The following COL14A1 variants were observed in gnomAD, a reference collection of about 807,000 sequenced individuals.
The protein encoded by COL14A1 is collagen type XIV alpha 1 chain, also known as collagen alpha-1(XIV) chain.
In COL14A1, 136 loss-of-function variants were observed where a neutral mutation model predicts 230.3. That is an observed-to-expected ratio of 0.59 (90% CI 0.51 to 0.68). The LOEUF (loss-of-function observed/expected upper bound fraction) is 0.68. COL14A1 is among the 30% of genes least tolerant of loss of function. COL14A1 has a pLI of 0.00. For synonymous variants in COL14A1, 792 were observed against 784.1 expected (o/e 1.01, Z -0.17); for missense variants, 1,976 against 2,215.8 (o/e 0.89, Z 2.17).
At chr8:120,250,232 G>A (rs956894602) in intron 21 of COL14A1, among the ~76,000 whole-genome samples, 22 of 152,158 alleles carry the variant, frequency 1.4e-4, no homozygotes, top group East Asian at 3.9e-4. Flanking sequence ...TATGACTGCC[G>A]CTTGTGTGCC....
chr8:120,369,778 C>T (rs1823526627), intron 47 of COL14A1, among the ~76,000 whole-genome samples: 1 of 152,146 alleles, frequency 6.6e-6, no homozygotes, highest in Non-Finnish European at 1.5e-5. Flanking sequence ...TTGTATTTAG[C>T]ACATTTGGAG....
chr8:120,154,036 C>T (rs1815380183), intron 2 of COL14A1, among the ~76,000 whole-genome samples: 2 of 152,092 alleles, frequency 1.3e-5, no homozygotes, highest in Admixed American at 6.6e-5. Flanking sequence ...AACCAGGATG[C>T]TGTCATATAA....
intron 20 of COL14A1, among the ~76,000 whole-genome samples, chr8:120,244,306 T>A (rs1325249448): frequency 6.6e-6 from 1 of 152,226 alleles, no homozygotes; most frequent in Non-Finnish European, 1.5e-5. Flanking sequence ...AAATGTATTC[T>A]GCATGCCTGA....
At chr8:120,354,565 A>G (rs1204593590) in intron 45 of COL14A1, among the ~76,000 whole-genome samples, 2 of 152,118 alleles carry the variant, frequency 1.3e-5, no homozygotes, top group African/African-American at 4.8e-5. Flanking sequence ...TTTTCTTATT[A>G]TCTAAAAGAA....
intron 40 of COL14A1, among the ~76,000 whole-genome samples, chr8:120,331,649 G>T (rs1329234599): frequency 1.3e-5 from 2 of 152,184 alleles, no homozygotes; most frequent in Non-Finnish European, 2.9e-5. Flanking sequence ...AGTAGTCAAA[G>T]CTCAATCATT....
At chr8:120,340,477 A>G (rs761770399) in intron 42 of COL14A1, among the ~76,000 whole-genome samples, 2 of 152,200 alleles carry the variant, frequency 1.3e-5, no homozygotes, top group East Asian at 3.9e-4. Context: ...TAACAACTGG[A>G]AACAGTCTGA....
chr8:120,144,253 A>T (rs1031306648), intron 1 of COL14A1, among the ~76,000 whole-genome samples: 38 of 152,206 alleles, frequency 2.5e-4, no homozygotes, highest in Admixed American at 2.4e-3. Flanking sequence ...ACGGAATCTT[A>T]TTTAAAGAAT....
In COL14A1 at chr8:120,280,605, T is replaced by C; in HGVS notation, c.3647-106T>C. The C allele has an allele frequency of 9.3e-6, 10 of 1,075,758 alleles. No individual in the cohort carries two copies. In the South Asian group the frequency reaches 1.2e-4, roughly 13 times the overall value. The allele number at this position is 1,075,758 out of a possible 1,614,324, so 66.6% of individuals were successfully genotyped here. On this transcript the variant is annotated intron_variant, in intron 29 of 47. Coordinates refer to ENST00000297848, the MANE Select transcript of COL14A1 (RefSeq NM_021110.4). ...CATTTGATTTGTATTCTCTCCACAATCAACTTCTGGAAAGATTGTATTAGT... is the reference window on the plus strand; with the variant it reads ...CATTTGATTTGTATTCTCTCCACAACCAACTTCTGGAAAGATTGTATTAGT...
intron 40 of COL14A1, among the ~76,000 whole-genome samples, chr8:120,325,270 G>T (rs780780638): frequency 6.6e-6 from 1 of 151,808 alleles, no homozygotes; most frequent in Admixed American, 6.6e-5. Flanking sequence ...GTGGACTATG[G>T]GTGCATATTA....
At chr8:120,357,245 G>A (rs1283970752) in intron 45 of COL14A1, among the ~76,000 whole-genome samples, 1 of 152,162 alleles carries the variant, frequency 6.6e-6, no homozygotes, top group Non-Finnish European at 1.5e-5. Flanking sequence ...GGCTCGACTG[G>A]AGCTGGTGCA....
In COL14A1 at chr8:120,247,695, C is replaced by T; in HGVS notation, c.2562C>T (p.Ser854=). ...RLRITWDPPS[S]PVKGYRIVYK... ...GCATTACGTGGGACCCCCCATCTTC[C>T]CCGGTGAAAGGCTATAGAATTGTCT... The change falls in exon 21 of 48, where the codon TCC becomes TCT. Residue 854 remains serine, a synonymous_variant. Coordinates refer to ENST00000297848, the MANE Select transcript of COL14A1 (RefSeq NM_021110.4). The T allele has an allele frequency of 6.2e-7, 1 of 1,614,104 alleles. No individual in the cohort carries two copies. Among genetic ancestry groups the T allele is most frequent in the South Asian group, 1.1e-5 (1 of 91,076 alleles).
intron 13 of COL14A1, 41 bp from the exon 14 acceptor site, chr8:120,216,310 A>G (rs2130777440): frequency 7.7e-6 from 12 of 1,561,138 alleles, no homozygotes; most frequent in Non-Finnish European, 1.0e-5. Context: ...CATGTATGTA[A>G]TTTGACATTT....
At chr8:120,316,605 T>G (rs1485164535) in intron 40 of COL14A1, among the ~76,000 whole-genome samples, 1 of 152,110 alleles carries the variant, frequency 6.6e-6, no homozygotes, top group African/African-American at 2.4e-5. Context: ...ATAAGAAACT[T>G]TTATTACATG....
At chr8:120,342,270 C>A in intron 43 of COL14A1, 110 bp from the exon 44 acceptor site, 1 of 1,107,982 alleles carries the variant, frequency 9.0e-7, no homozygotes. Flanking sequence ...TGCTAGGGGC[C>A]AAAGATCCCT....
At chr8:120,331,382 C>G (rs908553281) in intron 40 of COL14A1, among the ~76,000 whole-genome samples, 2 of 152,154 alleles carry the variant, frequency 1.3e-5, no homozygotes, top group Non-Finnish European at 2.9e-5. Flanking sequence ...TGAAGATTCT[C>G]TCTTAAATTA....
chr8:120,170,644 T>G (rs992598211), intron 5 of COL14A1, among the ~76,000 whole-genome samples: 8 of 152,082 alleles, frequency 5.3e-5, no homozygotes, highest in Admixed American at 2.0e-4. Context: ...CATTTCTATT[T>G]GTAACTCTGG....
chr8:120,187,938 C>T (rs1056339879), intron 5 of COL14A1, among the ~76,000 whole-genome samples: 7 of 152,254 alleles, frequency 4.6e-5, no homozygotes, highest in South Asian at 2.1e-4. Flanking sequence ...CCAGCTTTGC[C>T]ACTTCTTAGC....
At chr8:120,167,551 A>T (rs1815948015) in intron 4 of COL14A1, among the ~76,000 whole-genome samples, 1 of 152,210 alleles carries the variant, frequency 6.6e-6, no homozygotes, top group Admixed American at 6.5e-5. Context: ...GTTGATATGA[A>T]TTTATTAAAA....
At chr8:120,133,196 A>G (rs1814595664) in intron 1 of COL14A1, among the ~76,000 whole-genome samples, 1 of 151,542 alleles carries the variant, frequency 6.6e-6, no homozygotes, top group Non-Finnish European at 1.5e-5. Context: ...AGCCTGGGCG[A>G]CAGAGCGAAA....
Sources: gnomAD v4.1 joint callset for allele counts (sites outside exome capture counted in the v4.1 genomes callset) on GRCh38, gnomAD v4.1.1 for gene constraint, MANE v1.5 for transcripts, NCBI Gene and HGNC (gene_info 2026-07-23, HGNC 2026-07-21) for gene names.